ATP1A2: variants seen among roughly 807,000 people sequenced by gnomAD.
The protein encoded by ATP1A2 is ATPase Na+/K+ transporting subunit alpha 2.
In ATP1A2, 56 loss-of-function variants were observed where a neutral mutation model predicts 113.1. That is an observed-to-expected ratio of 0.49 (90% confidence interval 0.40 to 0.62). The LOEUF (loss-of-function observed/expected upper bound fraction) is 0.62, where lower values mean the gene tolerates loss of function less well. Ranked by LOEUF, ATP1A2 falls within the 20% of genes least tolerant of loss-of-function variation. The pLI, the probability that ATP1A2 is intolerant of heterozygous loss-of-function variation, is 0.00. For missense variants in ATP1A2, 712 were observed against 1,357.8 expected (o/e 0.52, Z 7.47); for synonymous variants, 490 against 526.8 (o/e 0.93, Z 0.96).
intron 3 of ATP1A2, among the ~76,000 whole-genome samples, chr1:160,121,688 C>T (rs560260391): frequency 2.6e-5 from 4 of 152,216 alleles, no homozygotes; most frequent in South Asian, 2.1e-4. Context: ...TTTCTCTAAT[C>T]TTTACAACAA....
In ATP1A2 at chr1:160,143,059, C is replaced by T. The variant is rs776064194; in HGVS notation, c.*1737C>T. The T allele has an allele frequency of 2.0e-5, 3 of 152,236 alleles. No individual in the cohort carries two copies. The highest frequency in any genetic ancestry group is 4.4e-5 in the Non-Finnish European group (3 of 68,076). The allele number at this position is 152,236 out of a possible 1,614,324, so 9.4% of individuals were successfully genotyped here. A position where few individuals can be genotyped will look rare whatever the true frequency, so the allele number is the denominator to read the frequency against. ...CCTGTAGAGAGAGACCTAGATAGGT[C>T]ATGCAAGTGAGAAAGACATCTGAGG... On this transcript the variant is annotated 3_prime_UTR_variant, in exon 23 of 23. Coordinates refer to ENST00000361216, the MANE Select transcript of ATP1A2 (RefSeq NM_000702.4).
intron 1 of ATP1A2, among the ~76,000 whole-genome samples, chr1:160,116,083 C>G (rs1441469425): frequency 6.6e-6 from 1 of 152,092 alleles, no homozygotes; most frequent in Non-Finnish European, 1.5e-5. Context: ...TCTGCACGCC[C>G]CAGCCCCCTG....
intron 7 of ATP1A2, among the ~76,000 whole-genome samples, chr1:160,126,207 A>T (rs1651581452): frequency 6.6e-6 from 1 of 152,150 alleles, no homozygotes; most frequent in African/African-American, 2.4e-5. Flanking sequence ...CTGATATGAA[A>T]TCGCATAATA....
chr1:160,121,074 T>C (rs1166515477), intron 2 of ATP1A2, 64 bp downstream of exon 2: 16 of 1,606,056 alleles, frequency 1.0e-5, no homozygotes, highest in East Asian at 2.2e-5. Flanking sequence ...CTGCAGCCCA[T>C]TGCACTCAGA....
chr1:160,124,977 G>C (rs972513893), intron 6 of ATP1A2, among the ~76,000 whole-genome samples, 159 bp from the exon 7 acceptor site: 1 of 152,160 alleles, frequency 6.6e-6, no homozygotes, highest in Non-Finnish European at 1.5e-5. Flanking sequence ...CCAGGGCAGG[G>C]GCAATAGATG....
chr1:160,121,164 C>G (rs765991518), intron 2 of ATP1A2, 28 bp from the exon 3 acceptor site: 2 of 1,613,872 alleles, frequency 1.2e-6, no homozygotes, highest in Non-Finnish European at 1.7e-6. Context: ...TACCTCCTCC[C>G]CAAAGTAACT....
chr1:160,130,447 T>G lies in ATP1A2; in HGVS notation c.1677T>G (p.Ser559=), dbSNP rs1651737215. ...VLGFCQLNLP[S]GKFPRGFKFD... ...GATTCTGTCAACTGAATCTGCCATC[T>G]GGAAAGTTTCCTCGGGGCTTCAAAT... Residue 559 remains serine (S), a synonymous_variant, in exon 13 of 23, where the codon TCT becomes TCG. Transcript: ENST00000361216. The G allele has an allele frequency of 6.2e-7, 1 of 1,614,140 alleles. No homozygotes were observed. Among genetic ancestry groups the G allele is most frequent in the South Asian group, 1.1e-5 (1 of 91,094 alleles).
At chr1:160,124,952 A>G (rs1046449402) in intron 6 of ATP1A2, among the ~76,000 whole-genome samples, 184 bp from the exon 7 acceptor site, 82 of 152,168 alleles carry the variant, frequency 5.4e-4, no homozygotes, top group Non-Finnish European at 2.1e-4. Flanking sequence ...AGTCAGGAGG[A>G]GTCAGAATTC....
intron 13 of ATP1A2, among the ~76,000 whole-genome samples, chr1:160,133,738 C>T (rs1264782473): frequency 6.6e-6 from 1 of 152,032 alleles, no homozygotes; most frequent in African/African-American, 2.4e-5. Context: ...CTCTCTAAGC[C>T]TTGGTTTCCT....
intron 1 of ATP1A2, among the ~76,000 whole-genome samples, chr1:160,119,810 T>C (rs1175006491): frequency 2.1e-5 from 3 of 140,578 alleles, no homozygotes; most frequent in African/African-American, 5.3e-5. Flanking sequence ...CCAGGCAATA[T>C]AGTGAGACCT....
chr1:160,129,073 A>T lies in ATP1A2; in HGVS notation c.1310A>T (p.Asn437Ile). The T allele has an allele frequency of 6.2e-7, 1 of 1,613,836 alleles. No homozygotes were observed. Residue 437 changes from asparagine to isoleucine, a missense_variant, in exon 10 of 23, where the codon AAC (asparagine) becomes ATC (isoleucine). By Grantham distance (149) the Asn-to-Ile change is moderately radical (BLOSUM62 -3). Coordinates refer to ENST00000361216, the MANE Select transcript of ATP1A2 (RefSeq NM_000702.4). Reference protein sequence around the residue: ...NRAVFKAGQENISVSKRDTAG... With the variant: ...NRAVFKAGQEIISVSKRDTAG... ...GCCGTCTTCAAGGCAGGACAGGAGA[A>T]CATCTCCGTGTCTAAGGTAGGGGGT... is the stretch of plus-strand genomic sequence containing the variant.
chr1:160,129,778 T>C (rs1457993709), intron 11 of ATP1A2, among the ~76,000 whole-genome samples: 3 of 152,148 alleles, frequency 2.0e-5, no homozygotes, highest in African/African-American at 7.2e-5. Flanking sequence ...TTCCTTATTA[T>C]CCATAGAGGT....
Position 160,139,735 on chromosome 1 carries a change from C to G in ATP1A2, c.2936C>G (p.Pro979Arg). Residue 979 changes from proline (P) to arginine (R), a missense_variant, in exon 21 of 23, where the codon CCG (proline) becomes CGG (arginine). Pro to Arg is a moderately radical substitution (Grantham distance 103). Around this residue, in one of 6 missense-constraint regions of ATP1A2, gnomAD observed 188 missense variants for 438.9 expected, o/e 0.43. Transcript: ENST00000361216. ...PGMGVALRMY[P>R]LKVTWWFCAF... Reference sequence around the variant, plus strand: ...ATGGGTGTAGCCCTCCGCATGTACCCGCTCAAGTGAGTGTCTCTTTCGGGC... The same window carrying G: ...ATGGGTGTAGCCCTCCGCATGTACCGGCTCAAGTGAGTGTCTCTTTCGGGC... The G allele has an allele frequency of 6.2e-7, 1 of 1,614,136 alleles. No homozygotes were observed. Among genetic ancestry groups the G allele is most frequent in the Non-Finnish European group, 8.5e-7 (1 of 1,179,984 alleles).
rs1651656863 is a variant in ATP1A2, at chr1:160,128,518, T to C, written c.1018-134T>C. ...CATCTAAAATTGAACATTCATTATTTACAGCTAAGTCCCACCCATTCAAGT... is the reference window on the plus strand; with the variant it reads ...CATCTAAAATTGAACATTCATTATTCACAGCTAAGTCCCACCCATTCAAGT... On this transcript the variant is annotated intron_variant, in intron 8 of 22. Transcript: ENST00000361216. The C allele has an allele frequency of 5.2e-6, 8 of 1,549,322 alleles. No individual in the cohort carries two copies. In the East Asian group the frequency reaches 1.9e-4, roughly 38 times the overall value.
Position 160,124,041 on chromosome 1 carries a change from G to C in ATP1A2, c.480G>C (p.Lys160Asn). Residue 160 changes from lysine to asparagine, a missense_variant, in exon 5 of 23, where the codon AAG (lysine) becomes AAC (asparagine). Transcript: ENST00000361216. ...AKSSKIMDSF[K>N]NMVPQQALVI... ...GCTCCAAGATCATGGATTCCTTCAA[G>C]AACATGGTACCTCAGGTAAGATGGC... 1 of 1,614,154 alleles carries C rather than the reference G, an allele frequency of 6.2e-7. No individual in the cohort carries two copies.
In ATP1A2 at chr1:160,135,026, A is replaced by G. The variant is rs1651889893; in HGVS notation, c.1965-119A>G. On this transcript the variant is annotated intron_variant, in intron 14 of 22. Transcript: ENST00000361216. The surrounding 1 kb of genome is among the most constrained non-coding windows in gnomAD (Gnocchi z 6.3). ...TACTGAGGAGAGGAGAACTGAAGCA[A>G]CAGGGGAAGCAGGCTCAGCAGGGAG... The G allele has an allele frequency of 7.5e-7, 1 of 1,328,584 alleles. No homozygotes were observed. The highest frequency in any genetic ancestry group is 1.1e-6 in the Non-Finnish European group (1 of 937,938). 82.3% of individuals were successfully genotyped at this position (1,328,584 alleles called of 1,614,324 possible).
At chr1:160,123,183 G>C (rs763526997) in intron 3 of ATP1A2, 30 bp from the exon 4 acceptor site, 2 of 1,612,886 alleles carry the variant, frequency 1.2e-6, no homozygotes, top group Non-Finnish European at 1.7e-6. Context: ...CTCCGGATGC[G>C]TGCCCCTACG....
In ATP1A2 at chr1:160,141,519, C is replaced by A; in HGVS notation, c.*197C>A. The A allele has an allele frequency of 1.5e-6, 1 of 674,872 alleles. No homozygotes were observed. The highest frequency in any genetic ancestry group is 2.7e-6 in the Non-Finnish European group (1 of 372,930). The allele number at this position is 674,872 out of a possible 1,614,324, so 41.8% of individuals were successfully genotyped here. Reference sequence around the variant, plus strand: ...CCCCATAGACCTAACTGTGAACAATCAGATTAGACACTATGTGTTAGAGTC... The same window carrying A: ...CCCCATAGACCTAACTGTGAACAATAAGATTAGACACTATGTGTTAGAGTC... On this transcript the variant is annotated 3_prime_UTR_variant, in exon 23 of 23. Coordinates refer to ENST00000361216, the MANE Select transcript of ATP1A2 (RefSeq NM_000702.4).
chr1:160,139,471 T>C (rs1380481618), intron 20 of ATP1A2, among the ~76,000 whole-genome samples, 169 bp from the exon 21 acceptor site: 4 of 152,182 alleles, frequency 2.6e-5, no homozygotes, highest in African/African-American at 7.2e-5. Flanking sequence ...GAAAAACAAA[T>C]AACATCTTCC....
Sources: gnomAD v4.1 joint callset for allele counts (sites outside exome capture counted in the v4.1 genomes callset) on GRCh38, gnomAD v4.1.1 for gene constraint, gnomAD v4.1.1 regional missense constraint, Gnocchi (gnomAD v3.1) non-coding constraint, MANE v1.5 for transcripts, NCBI Gene and HGNC (gene_info 2026-07-23, HGNC 2026-07-21) for gene names.